Variants in NPAS3 observed in about 807,000 individuals in gnomAD.
NPAS3 encodes neuronal PAS domain-containing protein 3.
A neutral mutation model predicts 73.1 loss-of-function variants in NPAS3; 14 were observed. The observed-to-expected ratio is 0.19, with a 90% confidence interval of 0.13 to 0.30. The LOEUF (loss-of-function observed/expected upper bound fraction) is 0.30. Ranked by LOEUF, NPAS3 falls within the 10% of genes least tolerant of loss-of-function variation. The probability of loss-of-function intolerance (pLI) is 1.00; values close to 1 mark genes in which losing one functional copy is unlikely to be tolerated. For synonymous variants in NPAS3, 620 were observed against 541.5 expected, an observed-to-expected ratio of 1.14 and a Z score of -2.01; for missense variants, 1,096 against 1,250.0, an observed-to-expected ratio of 0.88 and a Z score of 1.86.
chr14:33,575,103 C>T (rs1156768618), intron 5 of NPAS3, among the ~76,000 whole-genome samples: 1 of 152,090 alleles, frequency 6.6e-6, no homozygotes, highest in African/African-American at 2.4e-5. Flanking sequence ...AGGTCCTGCC[C>T]CAAGACAAAA....
At chr14:33,483,034 G>T (rs2051404036) in intron 4 of NPAS3, among the ~76,000 whole-genome samples, 1 of 152,164 alleles carries the variant, frequency 6.6e-6, no homozygotes, top group South Asian at 2.1e-4. Flanking sequence ...GATCCAGGTG[G>T]GGAAAGCAAA....
intron 2 of NPAS3, among the ~76,000 whole-genome samples, chr14:33,159,398 G>A (rs1053086175): frequency 6.6e-6 from 1 of 151,940 alleles, no homozygotes; most frequent in Non-Finnish European, 1.5e-5. Context: ...CAACCCCCAA[G>A]GTAAAACGTT....
intron 1 of NPAS3, among the ~76,000 whole-genome samples, chr14:33,044,115 G>A (rs1353095582): frequency 6.6e-6 from 1 of 152,092 alleles, no homozygotes; most frequent in Non-Finnish European, 1.5e-5. Context: ...TTACTTTTTT[G>A]TCAATGATGT....
chr14:33,177,894 A>G (rs187286369), intron 2 of NPAS3, among the ~76,000 whole-genome samples: 3 of 152,240 alleles, frequency 2.0e-5, no homozygotes, highest in Admixed American at 2.0e-4. Flanking sequence ...CAATGTTATG[A>G]TGATTGTACC....
intron 2 of NPAS3, among the ~76,000 whole-genome samples, chr14:33,170,290 C>T (rs762706684): frequency 5.9e-5 from 9 of 152,126 alleles, no homozygotes; most frequent in African/African-American, 1.4e-4. Context: ...TATAAAAAAG[C>T]GTATGTCTTA....
chr14:33,712,192 G>C (rs2060837330), intron 6 of NPAS3, among the ~76,000 whole-genome samples: 1 of 152,130 alleles, frequency 6.6e-6, no homozygotes, highest in African/African-American at 2.4e-5. Flanking sequence ...GAAGGACCTG[G>C]TGGTTTTGCA....
intron 9 of NPAS3, among the ~76,000 whole-genome samples, chr14:33,784,892 A>C (rs2063120712): frequency 6.7e-6 from 1 of 150,268 alleles, no homozygotes; most frequent in Non-Finnish European, 1.5e-5. Context: ...CTGGGATTAC[A>C]GGCATGCGCC....
chr14:33,280,781 C>T (rs1043592444), intron 3 of NPAS3, among the ~76,000 whole-genome samples: 13 of 152,248 alleles, frequency 8.5e-5, no homozygotes, highest in South Asian at 4.1e-4. Context: ...CTATTGGTAA[C>T]GCAGCTAGTC....
At position 33,632,601 on chromosome 14, in the gene NPAS3, G is replaced by T. The variant is rs527287082; in HGVS notation, c.559-43610G>T. ...TGCCATCCTTGCCACAGAGTCTATG[G>T]TTTGGGCCTTTTCACCTCTCCACAG... On this transcript the variant is annotated intron_variant, in intron 5 of 11. Transcript: ENST00000356141. Among the ~76,000 whole-genome samples the T allele has an allele frequency of 3.9e-5, 6 of 152,222 alleles. No individual in the cohort carries two copies. The South Asian group carries it at 1.2e-3, about 32-fold the overall frequency.
At chr14:33,182,137 A>G (rs1415386675) in intron 2 of NPAS3, among the ~76,000 whole-genome samples, 1 of 152,244 alleles carries the variant, frequency 6.6e-6, no homozygotes, top group African/African-American at 2.4e-5. Flanking sequence ...TGACGAGTGA[A>G]AAATCAATTG....
intron 2 of NPAS3, among the ~76,000 whole-genome samples, chr14:33,211,429 C>T (rs2047030864): frequency 6.6e-6 from 1 of 152,102 alleles, no homozygotes; most frequent in African/African-American, 2.4e-5. Context: ...TGGTGCATGC[C>T]TGTAGTCCCA....
At chr14:32,995,879 G>A (rs963187373) in intron 1 of NPAS3, among the ~76,000 whole-genome samples, 1 of 152,164 alleles carries the variant, frequency 6.6e-6, no homozygotes, top group Non-Finnish European at 1.5e-5. Flanking sequence ...AGTAGAGTGG[G>A]GTGTTGCTGA....
intron 5 of NPAS3, among the ~76,000 whole-genome samples, chr14:33,633,890 G>A (rs374391620): frequency 6.6e-6 from 1 of 152,016 alleles, no homozygotes; most frequent in South Asian, 2.1e-4. Context: ...GAGGTAGGAG[G>A]ATCATTTGAT....
chr14:33,228,145 G>C (rs1026843397), intron 3 of NPAS3, among the ~76,000 whole-genome samples: 2 of 152,122 alleles, frequency 1.3e-5, no homozygotes, highest in African/African-American at 2.4e-5. Context: ...ATTCTAATTA[G>C]GGCTTTTGTT....
intron 1 of NPAS3, among the ~76,000 whole-genome samples, chr14:32,973,660 T>G (rs1288665076): frequency 6.6e-6 from 1 of 151,664 alleles, no homozygotes; most frequent in African/African-American, 2.4e-5. Flanking sequence ...CTCAGCCTCC[T>G]GAGTAGCTGG....
intron 2 of NPAS3, among the ~76,000 whole-genome samples, chr14:33,113,144 A>G (rs1308291432): frequency 6.6e-6 from 1 of 152,182 alleles, no homozygotes; most frequent in African/African-American, 2.4e-5. Context: ...TGACTTGGCA[A>G]TGCAGGCTCT....
chr14:33,688,917 A>G (rs2060161069), intron 6 of NPAS3, among the ~76,000 whole-genome samples: 1 of 152,204 alleles, frequency 6.6e-6, no homozygotes, highest in Admixed American at 6.5e-5. Context: ...AGGTTGTTCT[A>G]TCGGATTTGT....
intron 1 of NPAS3, among the ~76,000 whole-genome samples, chr14:33,027,233 G>A (rs1478039878): frequency 3.3e-5 from 5 of 152,132 alleles, no homozygotes; most frequent in Admixed American, 2.6e-4. Context: ...TAGTCTTCCT[G>A]CTCCCTCCTC....
At chr14:33,244,379 C>A (rs532589046) in intron 3 of NPAS3, among the ~76,000 whole-genome samples, 53 of 152,052 alleles carry the variant, frequency 3.5e-4, no homozygotes, top group Admixed American at 9.8e-4. Flanking sequence ...TTGAGTTGAT[C>A]TAGCTCTGAA....
Sources: allele counts gnomAD v4.1 joint callset (sites outside exome capture counted in the v4.1 genomes callset), GRCh38; gene constraint gnomAD v4.1.1; transcripts MANE v1.5; gene names NCBI Gene and HGNC (gene_info 2026-07-23, HGNC 2026-07-21).